Variants in AMOT observed in about 807,000 individuals in gnomAD.
The protein encoded by AMOT is angiomotin.
A neutral mutation model predicts 67.0 loss-of-function variants in AMOT; 11 were observed. That is an observed-to-expected ratio of 0.16 (90% CI 0.10 to 0.27). The LOEUF is 0.27. AMOT is among the 10% of genes least tolerant of loss of function. AMOT has a pLI of 1.00. For missense variants in AMOT, 753 were observed against 852.0 expected (o/e 0.88, Z 1.45); for synonymous variants, 326 against 321.4 (o/e 1.01, Z -0.15).
rs1173956349 is a variant in AMOT at position 112,815,673 on chromosome X, A to G, written c.1077T>C (p.Asn359=). ...GGTAATGATCCCCCTGGTGAGCCTGATTAGGAAGGAAATGCTGCTGCGGCC... is the reference window on the plus strand; with the variant it reads ...GGTAATGATCCCCCTGGTGAGCCTGGTTAGGAAGGAAATGCTGCTGCGGCC... ...LPRPQQHFLP[N]QAHQGDHYRL... Residue 359 remains asparagine, a synonymous_variant, in exon 5 of 14, where the codon AAT becomes AAC. Coordinates refer to ENST00000371959, the MANE Select transcript of AMOT (RefSeq NM_001113490.2). The G allele has an allele frequency of 8.5e-7, 1 of 1,176,421 alleles. No individual in the cohort carries two copies. Among genetic ancestry groups the G allele is most frequent in the Non-Finnish European group, 1.1e-6 (1 of 878,301 alleles).
In AMOT at chrX:112,809,984, G is replaced by A. The variant is rs142235994; in HGVS notation, c.1540C>T (p.Arg514Cys). ...MHDFNRDLRE[R>C]LETANKQLAE... ...AGCTGCTTGTTGGCAGTCTCTAGAC[G>A]CTCTGTGAAATTTGGAGACAATCAA... Residue 514 changes from arginine (R) to cysteine (C), a missense_variant and splice_region_variant, in exon 7 of 14, where the codon CGT (arginine) becomes TGT (cysteine). By Grantham distance (180) the Arg-to-Cys change is radical. Around this residue, in one of 5 missense-constraint regions of AMOT, gnomAD observed 297 missense variants for 284.3 expected, o/e 1.04. Coordinates refer to ENST00000371959, the MANE Select transcript of AMOT (RefSeq NM_001113490.2). The A allele has an allele frequency of 1.4e-4, 169 of 1,203,718 alleles. No individual in the cohort carries two copies. Among genetic ancestry groups the A allele is most frequent in the African/African-American group, 8.2e-4 (47 of 57,037 alleles).
chrX:112,797,588 C>T (rs1402254784), intron 8 of AMOT, among the ~76,000 whole-genome samples: 1 of 111,845 alleles, frequency 8.9e-6, no homozygotes, highest in East Asian at 2.8e-4. Context: ...CGGGACCAGC[C>T]TGCCCAACAT....
intron 7 of AMOT, among the ~76,000 whole-genome samples, chrX:112,806,384 C>T (rs1163318609): frequency 1.5e-4 from 16 of 103,371 alleles, no homozygotes; most frequent in African/African-American, 5.9e-4. Flanking sequence ...TATATATATA[C>T]TTGCATATAT....
chrX:112,810,790 G>A (rs1158687964), intron 6 of AMOT, among the ~76,000 whole-genome samples: 1 of 111,870 alleles, frequency 8.9e-6, no homozygotes, highest in Non-Finnish European at 1.9e-5. Flanking sequence ...GGTGCTGAAG[G>A]CACTTTAAAG....
At chrX:112,810,497 T>C (rs1263244152) in intron 6 of AMOT, among the ~76,000 whole-genome samples, 2 of 110,897 alleles carry the variant, frequency 1.8e-5, no homozygotes, top group South Asian at 3.8e-4. Context: ...TCACCTGAGG[T>C]CAGGAGTTTA....
At chrX:112,804,860 G>A in intron 8 of AMOT, 87 bp downstream of exon 8, 1 of 1,148,205 alleles carries the variant, frequency 8.7e-7, no homozygotes, top group Non-Finnish European at 1.2e-6. Context: ...TTATGCAGCT[G>A]CCAATTCACC....
Position 112,779,090 on chromosome X carries a change from CAGCTGGAGTTGGAGTTGG to C in AMOT, c.3046_3063del (p.Pro1016_Ala1021del), listed in dbSNP as rs780675984. ...CTTGCAGGAACCTCAGCCTGAGCCA[CAGCTGGAGTTGGAGTTGG>C]AGCTGGAGTTGGAGCCACAGCCGGA... On this transcript the variant is annotated inframe_deletion, in exon 13 of 14. Coordinates refer to ENST00000371959, the MANE Select transcript of AMOT (RefSeq NM_001113490.2). 1 of 1,198,912 alleles carries C rather than the reference CAGCTGGAGTTGGAGTTGG, an allele frequency of 8.3e-7. No individual in the cohort carries two copies. The highest frequency in any genetic ancestry group is 3.0e-5 in the East Asian group (1 of 33,759).
intron 7 of AMOT, among the ~76,000 whole-genome samples, chrX:112,805,802 G>A (rs753079545): frequency 2.7e-5 from 3 of 112,002 alleles, no homozygotes; most frequent in Non-Finnish European, 5.6e-5. Flanking sequence ...CAGTAGGATA[G>A]GCTAGGCGTG....
rs1282087659 is a variant in AMOT, at chrX:112,815,756, A to G, written c.994T>C (p.Ser332Pro). The part of the protein sequence containing the change: ...LLQSPPSTRL[S>P]PARHPLVPNQ... Reference sequence around the variant, plus strand: ...GGGACCAAGGGGTGTCGGGCAGGAGACAATCTAGTGGATGGTGGAGATTGT... The same window carrying G: ...GGGACCAAGGGGTGTCGGGCAGGAGGCAATCTAGTGGATGGTGGAGATTGT... The change falls in exon 5 of 14, where the codon TCT (serine) becomes CCT (proline). Residue 332 changes from serine (S) to proline (P), a missense_variant. Transcript: ENST00000371959. 16 of 1,167,343 alleles carry G rather than the reference A, an allele frequency of 1.4e-5. No individual in the cohort carries two copies. Among genetic ancestry groups the G allele is most frequent in the Non-Finnish European group, 1.8e-5 (16 of 872,963 alleles).
chrX:112,812,463 G>A (rs973557904), intron 5 of AMOT, among the ~76,000 whole-genome samples: 4 of 111,263 alleles, frequency 3.6e-5, no homozygotes, highest in African/African-American at 1.3e-4. Context: ...TGTGTTTTAT[G>A]ACACCCCTGC....
intron 10 of AMOT, among the ~76,000 whole-genome samples, chrX:112,788,727 T>C (rs1933464869): frequency 8.9e-6 from 1 of 112,338 alleles, no homozygotes; most frequent in Admixed American, 9.4e-5. Context: ...AGTCGTGATC[T>C]GGAATGTTCA....
At chrX:112,810,524 C>T (rs1003394516) in intron 6 of AMOT, among the ~76,000 whole-genome samples, 1 of 110,853 alleles carries the variant, frequency 9.0e-6, no homozygotes, top group Non-Finnish European at 1.9e-5. Context: ...GCATGGCCAA[C>T]GTGGCAAAAC....
intron 6 of AMOT, among the ~76,000 whole-genome samples, 181 bp from the exon 7 acceptor site, chrX:112,810,167 G>C (rs139678360): frequency 8.9e-6 from 1 of 111,757 alleles, no homozygotes; most frequent in East Asian, 2.8e-4. Context: ...TGGCCGGGGA[G>C]GAGGAGGTAA....
intron 13 of AMOT, 116 bp downstream of exon 13, chrX:112,778,881 G>T: frequency 1.2e-6 from 1 of 844,727 alleles, no homozygotes; most frequent in Non-Finnish European, 1.7e-6. Context: ...CTCTCCTTTA[G>T]AACGTGAAAA....
rs377735545 is a variant in AMOT at position 112,779,727 on chromosome X, A to G, written c.2474-47T>C. On this transcript the variant is annotated intron_variant, in intron 12 of 13. Coordinates refer to ENST00000371959, the MANE Select transcript of AMOT (RefSeq NM_001113490.2). Reference sequence around the variant, plus strand: ...ATGTTAGAAAACAATAGGTGATTCAAATCCAGACATCTAATTACCTGTTCT... The same window carrying G: ...ATGTTAGAAAACAATAGGTGATTCAGATCCAGACATCTAATTACCTGTTCT... The G allele has an allele frequency of 3.3e-5, 31 of 941,374 alleles. No individual in the cohort carries two copies. In the African/African-American group the frequency reaches 5.9e-4, roughly 18 times the overall value. The allele number at this position is 941,374 out of a possible 1,213,427, so 77.6% of individuals were successfully genotyped here.
chrX:112,775,726 T>G lies in AMOT; in HGVS notation c.*2841A>C, dbSNP rs1332559459. On this transcript the variant is annotated 3_prime_UTR_variant, in exon 14 of 14. Coordinates refer to ENST00000371959, the MANE Select transcript of AMOT (RefSeq NM_001113490.2). ...AATAGGAGTTTCATATCAAGTAAAG[T>G]TTGTTCTAATGAAGTTTTTCTATAC... 4.4e-5 allele frequency: 5 copies of G among 112,448 alleles called. No individual in the cohort carries two copies. Among genetic ancestry groups the G allele is most frequent in the Admixed American group, 9.4e-5 (1 of 10,586 alleles). 9.3% of individuals were successfully genotyped at this position (112,448 alleles called of 1,213,427 possible).
chrX:112,780,455 T>C (rs181997577), intron 12 of AMOT: 34 of 151,697 alleles, frequency 2.2e-4, no homozygotes, highest in African/African-American at 1.0e-3. Flanking sequence ...CCAAACGATT[T>C]AGTGTAACTA....
At chrX:112,807,602 CAT>C (rs1479349868) in intron 7 of AMOT, among the ~76,000 whole-genome samples, 1 of 110,770 alleles carries the variant, frequency 9.0e-6, no homozygotes, top group African/African-American at 3.3e-5. Flanking sequence ...GAAAGAAAGA[CAT>C]GTTAAGAAAG....
intron 2 of AMOT, among the ~76,000 whole-genome samples, chrX:112,827,915 T>A (rs185623531): frequency 1.8e-5 from 2 of 112,056 alleles, no homozygotes; most frequent in Admixed American, 1.9e-4. Flanking sequence ...AATCTAAGTC[T>A]AAGAAAGCTG....
Sources: allele counts gnomAD v4.1 joint callset (sites outside exome capture counted in the v4.1 genomes callset), GRCh38; gene constraint gnomAD v4.1.1; regional missense constraint gnomAD v4.1.1; transcripts MANE v1.5; gene names NCBI Gene and HGNC (gene_info 2026-07-23, HGNC 2026-07-21).